Variants in HYDIN observed in about 807,000 individuals in gnomAD.
The protein encoded by HYDIN is HYDIN axonemal central pair apparatus protein.
HYDIN carries 132 observed loss-of-function variants against 403.9 expected under a neutral mutation model. That is an observed-to-expected ratio of 0.33 (90% CI 0.28 to 0.38). HYDIN has a LOEUF of 0.38. Ranked by LOEUF, HYDIN falls within the 10% of genes least tolerant of loss-of-function variation. The pLI, the probability that HYDIN is intolerant of heterozygous loss-of-function variation, is 1.00. For synonymous variants in HYDIN, 1,202 were observed against 1,891.7 expected, an observed-to-expected ratio of 0.64 and a Z score of 9.46; for missense variants, 2,827 against 5,009.5, an observed-to-expected ratio of 0.56 and a Z score of 13.15.
intron 9 of HYDIN, among the ~76,000 whole-genome samples, chr16:71,125,686 C>T (rs1221739815): frequency 2.0e-5 from 3 of 152,026 alleles, no homozygotes; most frequent in Non-Finnish European, 4.4e-5. Flanking sequence ...ATCTTCAGCA[C>T]AGCTTTGGAG....
Position 71,031,696 on chromosome 16 carries a change from A to T in HYDIN, c.2751T>A (p.Asn917Lys), listed in dbSNP as rs150291662. The T allele has an allele frequency of 3.0e-5, 47 of 1,592,460 alleles. 1 individual carries two copies. In the South Asian group the frequency reaches 4.9e-4, roughly 17 times the overall value. The change falls in exon 19 of 86, where the codon AAT becomes AAA. Residue 917 changes from asparagine to lysine, a missense_variant. Coordinates refer to ENST00000393567, the MANE Select transcript of HYDIN (RefSeq NM_001270974.2). ...TTCCTTACCTAAAATGTGCCCCCAA[A>T]TTGAGTTCTGGAGCAAAGGGCTTAT... The part of the protein sequence containing the change: ...VSDKPFAPEL[N>K]LGAHFSLDTH...
At chr16:70,968,608 C>G (rs2143975413) in intron 36 of HYDIN, among the ~76,000 whole-genome samples, 1 of 152,276 alleles carries the variant, frequency 6.6e-6, no homozygotes. Context: ...GGAACCTAGA[C>G]TATTACCTGC....
intron 8 of HYDIN, among the ~76,000 whole-genome samples, chr16:71,130,087 C>A (rs1327585664): frequency 6.6e-6 from 1 of 152,206 alleles, no homozygotes; most frequent in Non-Finnish European, 1.5e-5. Flanking sequence ...TACTCCTGAG[C>A]CCTTATGTAT....
chr16:70,875,708 G>T (rs1340064701), intron 62 of HYDIN, among the ~76,000 whole-genome samples: 3 of 152,140 alleles, frequency 2.0e-5, no homozygotes, highest in Non-Finnish European at 2.9e-5. Flanking sequence ...ATAAATGGGT[G>T]GAAATCCTAA....
intron 23 of HYDIN, among the ~76,000 whole-genome samples, chr16:71,016,034 A>G (rs1218699192): frequency 3.3e-5 from 5 of 151,908 alleles, no homozygotes; most frequent in Non-Finnish European, 7.4e-5. Context: ...AGTGCTACAC[A>G]TACTCAATGT....
chr16:70,934,424 T>G (rs1295289138), intron 45 of HYDIN, among the ~76,000 whole-genome samples: 1 of 151,856 alleles, frequency 6.6e-6, no homozygotes, highest in Non-Finnish European at 1.5e-5. Flanking sequence ...GGAAAACAGG[T>G]GTGCTGACGG....
intron 28 of HYDIN, among the ~76,000 whole-genome samples, chr16:70,983,730 A>G (rs2079105108): frequency 6.8e-6 from 1 of 147,534 alleles, no homozygotes; most frequent in Non-Finnish European, 1.5e-5. Flanking sequence ...TCGTGATTCA[A>G]AAAAACCTCA....
Position 70,860,713 on chromosome 16 carries a change from A to T in HYDIN, c.11966T>A (p.Val3989Glu). ...PNTRVIEFTT[V>E]GIGGKNLRTF... The stretch of plus-strand genomic sequence containing the variant: ...CCGGAGATTCTTCCCTCCTATGCCC[A>T]CAGTGGTGAACTCAATCACCCGGGT... The change falls in exon 70 of 86, where the codon GTG (valine) becomes GAG (glutamate). Residue 3989 changes from valine (V) to glutamate (E), a missense_variant. Physicochemically the swap from Val to Glu is moderately radical, Grantham distance 121. Transcript: ENST00000393567. 1 of 550,810 alleles carries T rather than the reference A, an allele frequency of 1.8e-6. No homozygotes were observed. Among genetic ancestry groups the T allele is most frequent in the Non-Finnish European group, 3.1e-6 (1 of 321,926 alleles). 34.1% of individuals were successfully genotyped at this position (550,810 alleles called of 1,614,324 possible).
In HYDIN at chr16:70,837,779, T is replaced by C. The variant is rs202203472; in HGVS notation, c.13153A>G (p.Ser4385Gly). ...GGAATGAGTTCTTGATAGTTGATAC[T>C]TTCTCGAGGATAAAAAGTTATTGGA... ...EIPITFYPRE[S>G]INYQELIPFE... The change falls in exon 77 of 86, where the codon AGT becomes GGT. Residue 4385 changes from serine to glycine, a missense_variant. Ser to Gly is a moderately conservative substitution (Grantham distance 56). Coordinates refer to ENST00000393567, the MANE Select transcript of HYDIN (RefSeq NM_001270974.2). 3 of 1,613,968 alleles carry C rather than the reference T, an allele frequency of 1.9e-6. No homozygotes were observed. Among genetic ancestry groups the C allele is most frequent in the Non-Finnish European group, 2.5e-6 (3 of 1,179,836 alleles).
rs2035332511 is a variant in HYDIN at position 70,809,640 on chromosome 16, C to A, written c.14883+143G>T. On this transcript the variant is annotated intron_variant, in intron 85 of 85. Coordinates refer to ENST00000393567, the MANE Select transcript of HYDIN (RefSeq NM_001270974.2). ...TGGGAGTTTCCAGGCTAGATTCAGGCCTCTGAGGCAGGTGTCACCATGACA... is the reference window on the plus strand; with the variant it reads ...TGGGAGTTTCCAGGCTAGATTCAGGACTCTGAGGCAGGTGTCACCATGACA... 19 of 678,546 alleles carry A rather than the reference C, an allele frequency of 2.8e-5. No individual in the cohort carries two copies. The South Asian group carries it at 3.5e-4, about 12-fold the overall frequency. The allele number at this position is 678,546 out of a possible 1,614,324, so 42.0% of individuals were successfully genotyped here.
chr16:71,115,403 A>G (rs533786941), intron 10 of HYDIN, among the ~76,000 whole-genome samples: 15 of 152,266 alleles, frequency 9.9e-5, no homozygotes, highest in Admixed American at 9.8e-4. Flanking sequence ...TCCTTTATCA[A>G]TTACCCAATC....
intron 7 of HYDIN, among the ~76,000 whole-genome samples, chr16:71,148,559 T>A (rs2085408599): frequency 6.6e-6 from 1 of 152,156 alleles, no homozygotes; most frequent in Non-Finnish European, 1.5e-5. Context: ...AACTGTAGTT[T>A]AATAAAGCCA....
At chr16:70,990,394 CAAAAAAAAAAAAAAAA>C (rs72381537) in intron 25 of HYDIN, among the ~76,000 whole-genome samples, 11 of 8,696 alleles carry the variant, frequency 1.3e-3, no homozygotes, top group Non-Finnish European at 2.9e-3. Context: ...GACTCTGCCT[CAAAAAAAAAAAAAAAA>C]AAAAAAAAAA....
intron 1 of HYDIN, among the ~76,000 whole-genome samples, chr16:71,194,674 T>C (rs542154148): frequency 2.0e-5 from 3 of 152,238 alleles, no homozygotes; most frequent in Admixed American, 6.5e-5. Flanking sequence ...ACACTACTTA[T>C]TTATCATAGT....
intron 36 of HYDIN, among the ~76,000 whole-genome samples, chr16:70,967,550 C>T (rs1386392517): frequency 5.9e-5 from 9 of 151,924 alleles, no homozygotes; most frequent in Non-Finnish European, 1.0e-4. Context: ...GGCGCGATCA[C>T]AGCTCACTGC....
chr16:71,189,203 G>A (rs546646249), intron 1 of HYDIN, among the ~76,000 whole-genome samples: 7 of 152,152 alleles, frequency 4.6e-5, no homozygotes, highest in Admixed American at 1.3e-4. Context: ...AATATGAAAC[G>A]ATACATAAAC....
intron 9 of HYDIN, 96 bp from the exon 10 acceptor site, chr16:71,115,891 T>C (rs78307032): frequency 1.3e-6 from 1 of 760,596 alleles, no homozygotes; most frequent in Non-Finnish European, 2.2e-6. Flanking sequence ...AATTTTTTTT[T>C]CATAAAATTG....
chr16:71,044,097 A>G (rs1193182662), intron 18 of HYDIN, among the ~76,000 whole-genome samples: 1 of 148,958 alleles, frequency 6.7e-6, no homozygotes, highest in African/African-American at 2.5e-5. Context: ...TGCCCAACTA[A>G]CAGTTTATTT....
intron 12 of HYDIN, chr16:71,088,015 C>T (rs28503366): frequency 0.015 from 1,846 of 123,826 alleles, no homozygotes; most frequent in South Asian, 0.045. Flanking sequence ...TCTAAACATC[C>T]TAAGACATAG....
Sources: allele counts gnomAD v4.1 joint callset (sites outside exome capture counted in the v4.1 genomes callset), GRCh38; gene constraint gnomAD v4.1.1; transcripts MANE v1.5; gene names NCBI Gene and HGNC (gene_info 2026-07-23, HGNC 2026-07-21).